LINGO2: variants seen among roughly 807,000 people sequenced by gnomAD.
LINGO2 encodes the protein leucine-rich repeat and immunoglobulin-like domain-containing nogo receptor-interacting protein 2.
In LINGO2, 14 loss-of-function variants were observed where a neutral mutation model predicts 30.6. That is an observed-to-expected ratio of 0.46 (90% confidence interval 0.30 to 0.72). LINGO2 has a LOEUF of 0.72. LINGO2 is among the 30% of genes least tolerant of loss of function. The probability of loss-of-function intolerance (pLI) is 0.07; values close to 1 mark genes in which losing one functional copy is unlikely to be tolerated. For synonymous variants in LINGO2, 317 were observed against 288.5 expected (o/e 1.10, Z -1.00); for missense variants, 729 against 751.7 (o/e 0.97, Z 0.35).
chr9:29,174,259 T>G, the LINGO2 span, among the ~76,000 whole-genome samples: 1 of 152,190 alleles, frequency 6.6e-6, no homozygotes, highest in Non-Finnish European at 1.5e-5. Flanking sequence ...GTGTTTTCAT[T>G]TTCTCCCTGG....
At chr9:28,082,186 C>T (rs1483189872) in intron 4 of LINGO2, among the ~76,000 whole-genome samples, 3 of 152,100 alleles carry the variant, frequency 2.0e-5, no homozygotes, top group Non-Finnish European at 2.9e-5. Flanking sequence ...CAAAACAAAA[C>T]AAAACAAAAA....
chr9:28,217,693 C>T (rs1234084089), intron 4 of LINGO2, among the ~76,000 whole-genome samples: 1 of 151,978 alleles, frequency 6.6e-6, no homozygotes, highest in Non-Finnish European at 1.5e-5. Context: ...TTCTGACTCC[C>T]ATAAAAGATA....
At chr9:28,892,644 T>C in the LINGO2 span, among the ~76,000 whole-genome samples, 6 of 151,928 alleles carry the variant, frequency 3.9e-5, no homozygotes, top group African/African-American at 1.4e-4. Flanking sequence ...TTGAAAATGA[T>C]TATACCAACA....
chr9:28,339,574 C>G (rs1269653621), intron 3 of LINGO2, among the ~76,000 whole-genome samples: 1 of 152,118 alleles, frequency 6.6e-6, no homozygotes, highest in African/African-American at 2.4e-5. Flanking sequence ...TTAATGTCAA[C>G]ATATTTTCTG....
chr9:28,409,869 C>CA (rs1822678601), intron 2 of LINGO2, among the ~76,000 whole-genome samples: 1 of 94,330 alleles, frequency 1.1e-5, no homozygotes, highest in Admixed American at 1.3e-4. Flanking sequence ...TCATACATTT[C>CA]ACGATAGAGA....
intron 4 of LINGO2, among the ~76,000 whole-genome samples, chr9:28,015,203 G>A (rs1822765956): frequency 6.6e-6 from 1 of 152,032 alleles, no homozygotes; most frequent in Admixed American, 6.6e-5. Context: ...ATAGGAGCTG[G>A]GATAACAAGT....
the LINGO2 span, among the ~76,000 whole-genome samples, chr9:29,069,617 T>C: frequency 2.6e-5 from 4 of 152,056 alleles, no homozygotes; most frequent in Non-Finnish European, 4.4e-5. Context: ...GTCACTATGC[T>C]ATCTGATTTC....
At chr9:29,075,109 G>T in the LINGO2 span, among the ~76,000 whole-genome samples, 1 of 151,984 alleles carries the variant, frequency 6.6e-6, no homozygotes, top group Non-Finnish European at 1.5e-5. Context: ...ATTTATACTA[G>T]CATTCATAAT....
chr9:28,247,359 T>C (rs948217474), intron 4 of LINGO2, among the ~76,000 whole-genome samples: 2 of 152,172 alleles, frequency 1.3e-5, no homozygotes, highest in African/African-American at 2.4e-5. Context: ...CAAATGTCCA[T>C]CAATGATAGA....
intron 1 of LINGO2, among the ~76,000 whole-genome samples, chr9:28,535,547 A>G (rs1375635887): frequency 6.6e-6 from 1 of 152,114 alleles, no homozygotes; most frequent in Non-Finnish European, 1.5e-5. Flanking sequence ...TTTTAATTTT[A>G]TACACATATA....
the LINGO2 span, among the ~76,000 whole-genome samples, chr9:28,714,188 T>TATATATACAC: frequency 1.4e-5 from 1 of 73,366 alleles, no homozygotes; most frequent in African/African-American, 6.1e-5. Context: ...TATATATATA[T>TATATATACAC]ACACACATAC....
intron 4 of LINGO2, among the ~76,000 whole-genome samples, chr9:28,037,532 C>T (rs1823995408): frequency 6.6e-6 from 1 of 152,126 alleles, no homozygotes; most frequent in South Asian, 2.1e-4. Flanking sequence ...TTTGCACTGC[C>T]TTGTCTCTTA....
chr9:28,073,010 T>G (rs193217149), intron 4 of LINGO2, among the ~76,000 whole-genome samples: 190 of 152,082 alleles, frequency 1.2e-3, no homozygotes, highest in Middle Eastern at 6.8e-3. Flanking sequence ...CGGCTTGACT[T>G]CTTAGTTCAC....
chr9:28,433,959 A>C lies in LINGO2; in HGVS notation c.-279+41981T>G, dbSNP rs1202447127. On this transcript the variant is annotated intron_variant, in intron 2 of 5. Coordinates refer to ENST00000379992, the Ensembl canonical transcript of LINGO2. Reference sequence around the variant, plus strand: ...TCTCTCTCTCTCTCTCTATATATATATATATATACACACACACACATGAAA... The same window carrying C: ...TCTCTCTCTCTCTCTCTATATATATCTATATATACACACACACACATGAAA... 2.6e-3 allele frequency among the ~76,000 whole-genome samples: 284 copies of C among 109,790 alleles called. 11 individuals are homozygous for C. The highest frequency in any genetic ancestry group is 5.2e-3 in the Middle Eastern group (1 of 194). The allele number at this position is 109,790 out of a possible 152,430, so 72.0% of individuals were successfully genotyped here.
At chr9:28,264,597 A>G (rs1822680580) in intron 4 of LINGO2, among the ~76,000 whole-genome samples, 2 of 151,802 alleles carry the variant, frequency 1.3e-5, no homozygotes. Context: ...ATCATCTCAC[A>G]CTGAAGTTAG....
At chr9:27,969,496 T>G (rs1008220301) in intron 5 of LINGO2, among the ~76,000 whole-genome samples, 3 of 152,184 alleles carry the variant, frequency 2.0e-5, no homozygotes, top group Non-Finnish European at 2.9e-5. Flanking sequence ...AAAATACTTA[T>G]GACATGATTA....
intron 1 of LINGO2, among the ~76,000 whole-genome samples, chr9:28,479,586 T>C (rs1825857696): frequency 6.6e-6 from 1 of 151,748 alleles, no homozygotes; most frequent in South Asian, 2.1e-4. Context: ...ATAAAATAAG[T>C]AGATGTTTAA....
chr9:28,667,190 C>T (rs1305329960), intron 1 of LINGO2, among the ~76,000 whole-genome samples: 4 of 152,106 alleles, frequency 2.6e-5, no homozygotes, highest in African/African-American at 7.2e-5. Context: ...CATGTAACAG[C>T]CCACTCTGTT....
intron 4 of LINGO2, among the ~76,000 whole-genome samples, chr9:28,125,708 T>G (rs1827217544): frequency 6.6e-6 from 1 of 152,224 alleles, no homozygotes; most frequent in Admixed American, 6.5e-5. Context: ...GAAAAAAAAT[T>G]GAGTGACCTT....
Sources: allele counts gnomAD v4.1 joint callset (sites outside exome capture counted in the v4.1 genomes callset), GRCh38; gene constraint gnomAD v4.1.1; transcripts MANE v1.5; gene names NCBI Gene and HGNC (gene_info 2026-07-23, HGNC 2026-07-21).